The following SYT17 variants were observed in gnomAD, a reference collection of about 807,000 sequenced individuals.
SYT17 encodes synaptotagmin-17.
Under a neutral mutation model 46.7 loss-of-function variants are expected in SYT17, and 22 were observed. The ratio of observed to expected loss-of-function variants is 0.47; its 90% CI spans 0.34 to 0.67. The LOEUF is 0.67. Ranked by LOEUF, SYT17 falls within the 30% of genes least tolerant of loss-of-function variation. The probability of loss-of-function intolerance (pLI) is 0.01; values close to 1 mark genes in which losing one functional copy is unlikely to be tolerated. For synonymous variants in SYT17, 251 were observed against 248.4 expected (o/e 1.01, Z -0.10); for missense variants, 519 against 612.8 (o/e 0.85, Z 1.62).
In SYT17 at chr16:19,224,714, A is replaced by T. The variant is rs1241356365; in HGVS notation, c.1104A>T (p.Gly368=). The part of the protein sequence containing the change: ...DPFVKIQLVH[G]LKLVKTKKTS... Reference sequence around the variant, plus strand: ...TTGTGAAAATCCAGCTGGTGCATGGACTCAAACTTGTGAAAACCAAGAAGA... The same window carrying T: ...TTGTGAAAATCCAGCTGGTGCATGGTCTCAAACTTGTGAAAACCAAGAAGA... The change falls in exon 7 of 8, where the codon GGA becomes GGT. Residue 368 remains glycine, a synonymous_variant. Coordinates refer to ENST00000355377, the MANE Select transcript of SYT17 (RefSeq NM_016524.4). 6.2e-7 allele frequency: 1 copy of T among 1,613,942 alleles called. No homozygotes were observed. The highest frequency in any genetic ancestry group is 1.3e-5 in the African/African-American group (1 of 74,894).
At chr16:19,214,479 C>T (rs1966017008) in intron 5 of SYT17, among the ~76,000 whole-genome samples, 1 of 152,140 alleles carries the variant, frequency 6.6e-6, no homozygotes, top group Admixed American at 6.5e-5. Context: ...GGATTATAGG[C>T]ATGAGCCACC....
intron 5 of SYT17, among the ~76,000 whole-genome samples, chr16:19,202,523 C>T (rs1291298777): frequency 6.6e-6 from 1 of 152,172 alleles, no homozygotes; most frequent in Non-Finnish European, 1.5e-5. Flanking sequence ...TATGGAGATA[C>T]CATTATATGG....
rs201889179 is a variant in SYT17, at chr16:19,209,918, CAAA to C, written c.952-13123_952-13121del. On this transcript the variant is annotated intron_variant, in intron 5 of 7. Coordinates refer to ENST00000355377, the MANE Select transcript of SYT17 (RefSeq NM_016524.4). ...AAAACAAAAACAACAACAACAACAA[CAAA>C]AAACCCTAAGTATCTAGCAATAGGA... Among the ~76,000 whole-genome samples the C allele has an allele frequency of 8.4e-3, 1,278 of 151,412 alleles. 16 individuals carry two copies. Among genetic ancestry groups the C allele is most frequent in the African/African-American group, 0.029 (1,179 of 41,244 alleles).
At position 19,193,465 on chromosome 16, in the gene SYT17, C is replaced by T. The variant is rs368730031; in HGVS notation, c.951+9318C>T. Among the ~76,000 whole-genome samples, 248 of 152,364 alleles carry T rather than the reference C, an allele frequency of 1.6e-3. 8 individuals carry two copies. The highest frequency in any genetic ancestry group is 6.8e-3 in the Middle Eastern group (2 of 294). ...ACATTGCTTCAACCTGAGATTTGCA[C>T]TGCCCAAATGAAAGCCTTTTAGACC... On this transcript the variant is annotated intron_variant, in intron 5 of 7. Coordinates refer to ENST00000355377, the MANE Select transcript of SYT17 (RefSeq NM_016524.4).
chr16:19,245,842 G>C (rs915437822), intron 7 of SYT17, among the ~76,000 whole-genome samples: 1 of 152,170 alleles, frequency 6.6e-6, no homozygotes, highest in Non-Finnish European at 1.5e-5. Flanking sequence ...ATGCGGTGAC[G>C]TGAAGGGGTT....
At chr16:19,216,450 G>T (rs1010505302) in intron 5 of SYT17, among the ~76,000 whole-genome samples, 1 of 150,922 alleles carries the variant, frequency 6.6e-6, no homozygotes, top group South Asian at 2.1e-4. Flanking sequence ...TGTTACATAG[G>T]TATACACATG....
intron 7 of SYT17, among the ~76,000 whole-genome samples, chr16:19,248,918 A>G (rs1470063283): frequency 1.3e-5 from 2 of 150,464 alleles, no homozygotes; most frequent in Non-Finnish European, 2.9e-5. Context: ...CATTACGCTA[A>G]GTGAATGCAA....
At chr16:19,219,569 CG>C (rs1231206385) in intron 5 of SYT17, among the ~76,000 whole-genome samples, 3 of 152,134 alleles carry the variant, frequency 2.0e-5, no homozygotes, top group Non-Finnish European at 4.4e-5. Flanking sequence ...TGCATTGAGG[CG>C]GAACTTACTG....
chr16:19,261,020 T>G (rs1023688402), intron 7 of SYT17, among the ~76,000 whole-genome samples: 2 of 151,726 alleles, frequency 1.3e-5, no homozygotes, highest in Admixed American at 6.6e-5. Context: ...TAAAAAAAAA[T>G]TGTAGAAAGA....
At chr16:19,245,552 G>A (rs921032557) in intron 7 of SYT17, among the ~76,000 whole-genome samples, 4 of 152,166 alleles carry the variant, frequency 2.6e-5, no homozygotes, top group Non-Finnish European at 5.9e-5. Flanking sequence ...TCTCCTTATG[G>A]CATTTTAACC....
chr16:19,193,226 T>A (rs1965099042), intron 5 of SYT17, among the ~76,000 whole-genome samples: 1 of 152,180 alleles, frequency 6.6e-6, no homozygotes, highest in Non-Finnish European at 1.5e-5. Flanking sequence ...AGATGATATT[T>A]TATGGAGCTG....
chr16:19,241,568 G>C (rs1417715464), intron 7 of SYT17, among the ~76,000 whole-genome samples: 1 of 152,162 alleles, frequency 6.6e-6, no homozygotes, highest in Non-Finnish European at 1.5e-5. Flanking sequence ...TCCTCACTGG[G>C]TCGCTCTCTG....
intron 5 of SYT17, among the ~76,000 whole-genome samples, chr16:19,193,057 G>C (rs1166978228): frequency 2.0e-5 from 3 of 152,180 alleles, no homozygotes; most frequent in Non-Finnish European, 2.9e-5. Flanking sequence ...AGGTGGAAAG[G>C]GTTCAGACAT....
At chr16:19,259,905 G>C (rs1006717111) in intron 7 of SYT17, among the ~76,000 whole-genome samples, 3 of 152,006 alleles carry the variant, frequency 2.0e-5, no homozygotes, top group Non-Finnish European at 4.4e-5. Flanking sequence ...GCTACAGCTT[G>C]GTTTTATACA....
At chr16:19,204,149 G>C (rs1407040108) in intron 5 of SYT17, among the ~76,000 whole-genome samples, 1 of 152,182 alleles carries the variant, frequency 6.6e-6, no homozygotes, top group Non-Finnish European at 1.5e-5. Flanking sequence ...GGACCATTCT[G>C]TGTTGTAGAT....
chr16:19,168,435 C>G lies in SYT17; in HGVS notation c.-212C>G, dbSNP rs907361628. On this transcript the variant is annotated 5_prime_UTR_variant, in exon 1 of 8. Transcript: ENST00000355377. This position sits in a 1 kb window ranked among gnomAD's most constrained non-coding sequence, Gnocchi z 6.9. The stretch of plus-strand genomic sequence containing the variant: ...TATCTCCGAACCGGGGAGGCGGCCC[C>G]GATTCCGAGAGCCGGAACGCAGGGA... 8 of 636,026 alleles carry G rather than the reference C, an allele frequency of 1.3e-5. No homozygotes were observed. The highest frequency in any genetic ancestry group is 9.5e-5 in the Admixed American group (3 of 31,520). The allele number at this position is 636,026 out of a possible 1,614,324, so 39.4% of individuals were successfully genotyped here.
Position 19,264,917 on chromosome 16 carries a change from T to C in SYT17, c.1229-1963T>C, listed in dbSNP as rs577158052. 6.6e-5 allele frequency among the ~76,000 whole-genome samples: 10 copies of C among 152,236 alleles called. No homozygotes were observed. In the East Asian group the frequency reaches 1.9e-3, roughly 29 times the overall value. On this transcript the variant is annotated intron_variant, in intron 7 of 7. Transcript: ENST00000355377. Reference sequence around the variant, plus strand: ...TCAGAATTTCCTTTCTTAAAGCCCTTTCACAAAGAAGTAGAACCCATACCC... The same window carrying C: ...TCAGAATTTCCTTTCTTAAAGCCCTCTCACAAAGAAGTAGAACCCATACCC...
intron 2 of SYT17, 52 bp from the exon 3 acceptor site, chr16:19,173,378 G>GGGC: frequency 1.3e-5 from 3 of 222,872 alleles, no homozygotes; most frequent in Middle Eastern, 1.2e-3. Flanking sequence ...TCCCCACCCT[G>GGGC]CCCACCTCCC....
intron 5 of SYT17, among the ~76,000 whole-genome samples, chr16:19,186,095 C>A (rs1964778494): frequency 6.6e-6 from 1 of 152,190 alleles, no homozygotes; most frequent in African/African-American, 2.4e-5. Context: ...TTCTCCCAGA[C>A]AAGGGCTGGC....
Sources: gnomAD v4.1 joint callset for allele counts (sites outside exome capture counted in the v4.1 genomes callset) on GRCh38, gnomAD v4.1.1 for gene constraint, Gnocchi (gnomAD v3.1) non-coding constraint, MANE v1.5 for transcripts, NCBI Gene and HGNC (gene_info 2026-07-23, HGNC 2026-07-21) for gene names.